Variants in PRH1 observed in about 807,000 individuals in gnomAD.
The protein encoded by PRH1 is salivary acidic proline-rich phosphoprotein 1/2.
PRH1 carries 7 observed loss-of-function variants against 7.9 expected under a neutral mutation model. The observed-to-expected ratio is 0.89, with a 90% CI of 0.50 to 1.67. The LOEUF is 1.67. Ranked by LOEUF, PRH1 falls within the 40% of genes most tolerant of loss-of-function variation. The pLI, the probability that PRH1 is intolerant of heterozygous loss-of-function variation, is 0.00. For synonymous variants in PRH1, 45 were observed against 80.8 expected (o/e 0.56, Z 2.38); for missense variants, 109 against 223.6 (o/e 0.49, Z 3.27).
chr12:11,054,169 A>G (rs1030781677), intron 1 of PRH1, among the ~76,000 whole-genome samples: 1 of 152,218 alleles, frequency 6.6e-6, no homozygotes, highest in Non-Finnish European at 1.5e-5. Flanking sequence ...ACCCTCACAT[A>G]GTATTTCATC....
intron 1 of PRH1, among the ~76,000 whole-genome samples, chr12:11,096,067 T>G (rs1371778064): frequency 8.8e-6 from 1 of 114,248 alleles, no homozygotes; most frequent in African/African-American, 2.9e-5. Context: ...TTGGTTTTAG[T>G]TATCGTGTCT....
chr12:10,976,984 G>C (rs1388260837), intron 1 of PRH1, among the ~76,000 whole-genome samples: 1 of 152,042 alleles, frequency 6.6e-6, no homozygotes, highest in Non-Finnish European at 1.5e-5. Context: ...TCTATCAAAT[G>C]TATAACAAAG....
At chr12:11,110,595 G>A (rs891155507) in intron 1 of PRH1, among the ~76,000 whole-genome samples, 6 of 152,114 alleles carry the variant, frequency 3.9e-5, no homozygotes, top group Non-Finnish European at 2.9e-5. Context: ...TTACAGACAA[G>A]CAAATGCTAA....
chr12:11,040,285 T>C (rs985571235), intron 1 of PRH1, among the ~76,000 whole-genome samples: 1 of 152,222 alleles, frequency 6.6e-6, no homozygotes, highest in Admixed American at 6.5e-5. Flanking sequence ...AAGAGAGGAT[T>C]TTGGAGTCAA....
chr12:10,951,763 A>G (rs1368870448), intron 2 of PRH1, among the ~76,000 whole-genome samples: 1 of 152,204 alleles, frequency 6.6e-6, no homozygotes, highest in Non-Finnish European at 1.5e-5. Context: ...TTTTCGATTG[A>G]AGAATATTGA....
upstream of PRH1, among the ~76,000 whole-genome samples, chr12:11,050,483 G>A (rs1264877940): frequency 6.6e-6 from 1 of 152,106 alleles, no homozygotes; most frequent in Non-Finnish European, 1.5e-5. Flanking sequence ...CTTCAGCATG[G>A]GTGTCATGGC....
At chr12:10,929,348 T>C (rs1297477771) in intron 2 of PRH1, 15 of 1,613,878 alleles carry the variant, frequency 9.3e-6, no homozygotes, top group African/African-American at 4.0e-5. Context: ...GTAAGCCGAA[T>C]TGGGGGAAGA....
chr12:10,954,711 A>AAGTG (rs1937867765), intron 2 of PRH1, among the ~76,000 whole-genome samples: 1 of 152,174 alleles, frequency 6.6e-6, no homozygotes, highest in Non-Finnish European at 1.5e-5. Context: ...TCCTGGGGTC[A>AAGTG]AGTGATCCAC....
At chr12:11,091,115 C>CACACACACATATATATAT (rs751016037) in intron 1 of PRH1, among the ~76,000 whole-genome samples, 3 of 25,104 alleles carry the variant, frequency 1.2e-4, no homozygotes, top group Non-Finnish European at 2.3e-4. Flanking sequence ...CACACACACA[C>CACACACACATATATATAT]ATATATATAT....
rs1940321006 is a variant in PRH1, at chr12:10,997,329, C to G, written c.-125-23608G>C. ...GTCAGAGTGAATGGTATCAAGTTTGCTAGCATGGCTACAGTCAAGTTGGAA... is the reference window on the plus strand; with the variant it reads ...GTCAGAGTGAATGGTATCAAGTTTGGTAGCATGGCTACAGTCAAGTTGGAA... On this transcript the variant is annotated intron_variant, in intron 1 of 3. Transcript: ENST00000539853. 3 of 1,614,032 alleles carry G rather than the reference C, an allele frequency of 1.9e-6. No homozygotes were observed. The East Asian group carries it at 6.7e-5, about 36-fold the overall frequency.
chr12:11,133,791 T>C, intron 1 of PRH1: 1 of 1,614,156 alleles, frequency 6.2e-7, no homozygotes, highest in Non-Finnish European at 8.5e-7. Context: ...GTCCATACAG[T>C]CTCATCCATG....
At chr12:11,111,672 T>C (rs1945593682) in intron 1 of PRH1, among the ~76,000 whole-genome samples, 1 of 152,194 alleles carries the variant, frequency 6.6e-6, no homozygotes, top group South Asian at 2.1e-4. Flanking sequence ...GGGAAATTTA[T>C]AGCACTAAAT....
intron 1 of PRH1, among the ~76,000 whole-genome samples, chr12:11,149,874 G>A (rs1350465386): frequency 2.2e-5 from 3 of 137,692 alleles, no homozygotes; most frequent in Non-Finnish European, 4.9e-5. Flanking sequence ...CCATCAGAGT[G>A]AACAGGCAAC....
chr12:10,980,188 C>T (rs1401828004), intron 1 of PRH1, among the ~76,000 whole-genome samples: 2 of 152,162 alleles, frequency 1.3e-5, no homozygotes, highest in Non-Finnish European at 1.5e-5. Flanking sequence ...CAAAAATTAA[C>T]TCATAATTCA....
intron 1 of PRH1, among the ~76,000 whole-genome samples, chr12:11,085,227 A>C (rs1274473179): frequency 6.6e-6 from 1 of 151,152 alleles, no homozygotes; most frequent in African/African-American, 2.4e-5. Flanking sequence ...TTAACCAATC[A>C]TTATGTCAAA....
At chr12:11,171,373 C>G in intron 1 of PRH1, 1 of 1,231,968 alleles carries the variant, frequency 8.1e-7, no homozygotes, top group Non-Finnish European at 1.0e-6. Flanking sequence ...CCCGCGGCGG[C>G]TCCGTCCTCC....
At chr12:11,034,730 A>G (rs1469096046) in intron 1 of PRH1, 1 of 152,452 alleles carries the variant, frequency 6.6e-6, no homozygotes, top group African/African-American at 2.4e-5. Context: ...ACACAGTAAA[A>G]CTGCCTCTAC....
chr12:10,990,510 AC>A (rs775104194), intron 1 of PRH1, among the ~76,000 whole-genome samples: 77 of 152,332 alleles, frequency 5.1e-4, no homozygotes, highest in Non-Finnish European at 8.8e-4. Context: ...AGACAGGCAG[AC>A]AAAATCCGAT....
At chr12:11,054,248 A>G (rs917611665) in intron 1 of PRH1, among the ~76,000 whole-genome samples, 1 of 152,184 alleles carries the variant, frequency 6.6e-6, no homozygotes, top group Admixed American at 6.5e-5. Flanking sequence ...ACATTCTAAA[A>G]ATTACCCCAA....
Sources: gnomAD v4.1 joint callset for allele counts (sites outside exome capture counted in the v4.1 genomes callset) on GRCh38, gnomAD v4.1.1 for gene constraint, MANE v1.5 for transcripts, NCBI Gene and HGNC (gene_info 2026-07-23, HGNC 2026-07-21) for gene names.